ADAMTS18: variants seen among roughly 807,000 people sequenced by gnomAD.
The protein encoded by ADAMTS18 is ADAM metallopeptidase with thrombospondin type 1 motif 18.
ADAMTS18 carries 157 observed loss-of-function variants against 165.9 expected under a neutral mutation model. The observed-to-expected ratio is 0.95, with a 90% CI of 0.83 to 1.08. The LOEUF (loss-of-function observed/expected upper bound fraction) is 1.08. Ranked by LOEUF, ADAMTS18 falls within the 50% of genes least tolerant of loss-of-function variation. The pLI is 0.00. For missense variants in ADAMTS18, 2,040 were observed against 1,534.0 expected (o/e 1.33, Z -5.51); for synonymous variants, 782 against 578.2 (o/e 1.35, Z -5.06).
At chr16:77,424,910 T>C (rs1207658390) in intron 3 of ADAMTS18, among the ~76,000 whole-genome samples, 1 of 152,196 alleles carries the variant, frequency 6.6e-6, no homozygotes, top group Non-Finnish European at 1.5e-5. Flanking sequence ...CCAAAGCAGC[T>C]GAGCCTAGTT....
chr16:77,382,032 G>A (rs536269585), intron 3 of ADAMTS18, among the ~76,000 whole-genome samples: 1 of 152,064 alleles, frequency 6.6e-6, no homozygotes, highest in Non-Finnish European at 1.5e-5. Context: ...TATATTCTAC[G>A]TACTTTCAGG....
At chr16:77,387,317 G>A (rs192519906) in intron 3 of ADAMTS18, among the ~76,000 whole-genome samples, 1 of 152,148 alleles carries the variant, frequency 6.6e-6, no homozygotes, top group Non-Finnish European at 1.5e-5. Flanking sequence ...GGATAGTCAT[G>A]GGTCATGGAT....
intron 17 of ADAMTS18, 46 bp downstream of exon 17, chr16:77,300,217 T>C: frequency 6.2e-7 from 1 of 1,612,054 alleles, no homozygotes; most frequent in Non-Finnish European, 8.5e-7. Flanking sequence ...AAAGAACCTG[T>C]TTTAAGAGAG....
At chr16:77,370,804 T>TAC (rs1318649013) in intron 3 of ADAMTS18, among the ~76,000 whole-genome samples, 2 of 151,254 alleles carry the variant, frequency 1.3e-5, no homozygotes, top group African/African-American at 4.9e-5. Context: ...TATATATATA[T>TAC]ATACATATAC....
At position 77,434,246 on chromosome 16, in the gene ADAMTS18, G is replaced by C. The variant is rs142353053; in HGVS notation, c.178+172C>G. On this transcript the variant is annotated intron_variant, in intron 2 of 22. Coordinates refer to ENST00000282849, the MANE Select transcript of ADAMTS18 (RefSeq NM_199355.4). ...TGCAGCTCGGGGCGTTGATTCTTTT[G>C]ATAAGTTCAGTCCTTGCCAACCTTC... Among the ~76,000 whole-genome samples the C allele has an allele frequency of 2.0e-3, 302 of 151,694 alleles. 1 individual carries two copies. The highest frequency in any genetic ancestry group is 7.1e-3 in the African/African-American group (292 of 41,330).
chr16:77,290,951 A>T (rs1171275739), intron 21 of ADAMTS18: 2 of 425,420 alleles, frequency 4.7e-6, no homozygotes, highest in Non-Finnish European at 8.8e-6. Context: ...CTCGAGTGGT[A>T]GTTTCCGTAG....
chr16:77,282,906 C>CTTTTTTTTTTTTTTT lies in ADAMTS18; in HGVS notation c.*1035_*1049dup, dbSNP rs1555507097. ...CCACTGTTTACTCCTTTCTTTCTCT[C>CTTTTTTTTTTTTTTT]TTTTTTTTTTTTTTTTTTTTGCTGT... On this transcript the variant is annotated 3_prime_UTR_variant, in exon 23 of 23. Coordinates refer to ENST00000282849, the MANE Select transcript of ADAMTS18 (RefSeq NM_199355.4). The CTTTTTTTTTTTTTTT allele has an allele frequency of 5.2e-5, 4 of 77,580 alleles. No homozygotes were observed. The highest frequency in any genetic ancestry group is 3.2e-4 in the East Asian group (1 of 3,128). 4.8% of individuals were successfully genotyped at this position (77,580 alleles called of 1,614,324 possible).
At chr16:77,390,671 C>A (rs1285367365) in intron 3 of ADAMTS18, among the ~76,000 whole-genome samples, 2 of 148,270 alleles carry the variant, frequency 1.3e-5, no homozygotes, top group Admixed American at 1.4e-4. Context: ...GCCTGGGTGA[C>A]AGAGCAAGAC....
chr16:77,400,691 G>C (rs188284312), intron 3 of ADAMTS18, among the ~76,000 whole-genome samples: 5 of 151,050 alleles, frequency 3.3e-5, no homozygotes, highest in Non-Finnish European at 5.9e-5. Context: ...CCGTGGTCTC[G>C]ATCTCCTGAC....
intron 16 of ADAMTS18, among the ~76,000 whole-genome samples, chr16:77,309,396 G>C (rs1017153908): frequency 6.6e-6 from 1 of 152,120 alleles, no homozygotes; most frequent in Non-Finnish European, 1.5e-5. Flanking sequence ...TGATTACCCT[G>C]AGGTATATCC....
At chr16:77,352,042 A>C (rs1161780718) in intron 10 of ADAMTS18, among the ~76,000 whole-genome samples, 2 of 152,156 alleles carry the variant, frequency 1.3e-5, no homozygotes, top group Admixed American at 1.3e-4. Flanking sequence ...CCAATTTGTT[A>C]GTTTTTACAG....
chr16:77,373,608 C>G (rs542206128), intron 3 of ADAMTS18, among the ~76,000 whole-genome samples: 3 of 151,856 alleles, frequency 2.0e-5, no homozygotes, highest in African/African-American at 7.3e-5. Context: ...AAATTGGGTG[C>G]GGTGTATACT....
chr16:77,371,727 G>A (rs1403741224), intron 3 of ADAMTS18, among the ~76,000 whole-genome samples: 3 of 152,016 alleles, frequency 2.0e-5, no homozygotes, highest in Non-Finnish European at 4.4e-5. Flanking sequence ...ATTTTTTGGA[G>A]AAAAACTCAA....
At chr16:77,330,773 C>T (rs7195859) in intron 12 of ADAMTS18, among the ~76,000 whole-genome samples, 1,633 of 152,212 alleles carry the variant, frequency 0.011, 26 homozygotes, top group African/African-American at 0.037. Context: ...ATTCATTTTT[C>T]AAGAAATAAA....
chr16:77,333,277 C>G (rs544188291), intron 12 of ADAMTS18, among the ~76,000 whole-genome samples: 13 of 151,966 alleles, frequency 8.6e-5, no homozygotes, highest in African/African-American at 3.1e-4. Flanking sequence ...CACTTTAAAA[C>G]AGTGTTTTCT....
intron 3 of ADAMTS18, among the ~76,000 whole-genome samples, chr16:77,377,022 C>T: frequency 6.6e-6 from 1 of 151,994 alleles, no homozygotes; most frequent in South Asian, 2.1e-4. Flanking sequence ...ATCACATTGG[C>T]CAGGCTGGTC....
chr16:77,380,566 T>A (rs13335288), intron 3 of ADAMTS18, among the ~76,000 whole-genome samples: 6,041 of 152,298 alleles, frequency 0.04, 358 homozygotes, highest in African/African-American at 0.13. Context: ...AGCAAAATGG[T>A]TGATATTCTT....
chr16:77,353,330 T>A (rs375538731), intron 10 of ADAMTS18, among the ~76,000 whole-genome samples: 4 of 152,188 alleles, frequency 2.6e-5, no homozygotes, highest in Non-Finnish European at 5.9e-5. Flanking sequence ...TAGCTGCTAA[T>A]AGTTATCCCA....
At position 77,282,731 on chromosome 16, in the gene ADAMTS18, G is replaced by GT. The variant is rs530725522; in HGVS notation, c.*1224dup. The GT allele has an allele frequency of 2.0e-5, 3 of 152,622 alleles. No homozygotes were observed. Among genetic ancestry groups the GT allele is most frequent in the Non-Finnish European group, 2.9e-5 (2 of 68,010 alleles). 9.5% of individuals were successfully genotyped at this position (152,622 alleles called of 1,614,324 possible). ...TTTGGTTTTGGCAAAATAGTGTGAT[G>GT]TTTTTTCAATTGAGAACAATTTTAA... On this transcript the variant is annotated 3_prime_UTR_variant, in exon 23 of 23. Coordinates refer to ENST00000282849, the MANE Select transcript of ADAMTS18 (RefSeq NM_199355.4).
Sources: gnomAD v4.1 joint callset for allele counts (sites outside exome capture counted in the v4.1 genomes callset) on GRCh38, gnomAD v4.1.1 for gene constraint, MANE v1.5 for transcripts, NCBI Gene and HGNC (gene_info 2026-07-23, HGNC 2026-07-21) for gene names.